The following SLC67A2 variants were observed in gnomAD, a reference collection of about 807,000 sequenced individuals.
SLC67A2 encodes solute carrier family 67 member A2.
the SLC67A2 span, chr2:102,718,307 C>T: frequency 1.1e-5 from 14 of 1,327,884 alleles, no homozygotes; most frequent in East Asian, 3.2e-4. Context: ...CTCACACCCA[C>T]CCGGAAATAT....
At chr2:102,724,719 C>T in the SLC67A2 span, among the ~76,000 whole-genome samples, 1 of 152,198 alleles carries the variant, frequency 6.6e-6, no homozygotes, top group African/African-American at 2.4e-5. Context: ...TGTGACACAG[C>T]GTTTCTCTGT....
At chr2:102,720,670 A>G in the SLC67A2 span, among the ~76,000 whole-genome samples, 1 of 152,222 alleles carries the variant, frequency 6.6e-6, no homozygotes, top group Non-Finnish European at 1.5e-5. Flanking sequence ...AAAAAATGGA[A>G]GACAATTTGC....
At chr2:102,725,484 T>G in the SLC67A2 span, among the ~76,000 whole-genome samples, 1 of 152,212 alleles carries the variant, frequency 6.6e-6, no homozygotes. Context: ...CCCATCTGCT[T>G]CTTTAGAATT....
At chr2:102,722,740 C>T in the SLC67A2 span, among the ~76,000 whole-genome samples, 1 of 151,982 alleles carries the variant, frequency 6.6e-6, no homozygotes, top group African/African-American at 2.4e-5. Flanking sequence ...GGTATAACAA[C>T]AAAACCAATC....
chr2:102,736,616 C>T, the SLC67A2 span: 8 of 1,613,808 alleles, frequency 5.0e-6, no homozygotes, highest in Non-Finnish European at 6.8e-6. Flanking sequence ...ACAGTCAGCA[C>T]TTGCTCCCAG....
the SLC67A2 span, among the ~76,000 whole-genome samples, chr2:102,728,357 C>T: frequency 6.6e-6 from 1 of 152,118 alleles, no homozygotes; most frequent in Non-Finnish European, 1.5e-5. Context: ...CATTCCTCAC[C>T]CTCTCCACTA....
the SLC67A2 span, chr2:102,718,822 TG>T: frequency 6.2e-7 from 1 of 1,613,902 alleles, no homozygotes; most frequent in Non-Finnish European, 8.5e-7. Flanking sequence ...GCCGTAGGAT[TG>T]GCCCCAGGGC....
chr2:102,725,137 G>A, the SLC67A2 span, among the ~76,000 whole-genome samples: 3 of 152,194 alleles, frequency 2.0e-5, no homozygotes, highest in African/African-American at 4.8e-5. Flanking sequence ...AAAATGAGGC[G>A]TCCAACTCAG....
chr2:102,718,667 G>T, the SLC67A2 span: 1 of 1,613,966 alleles, frequency 6.2e-7, no homozygotes, highest in South Asian at 1.1e-5. Flanking sequence ...CGTGATGCAC[G>T]TCCTGCCAAT....
At chr2:102,715,649 G>A in the SLC67A2 span, among the ~76,000 whole-genome samples, 1 of 151,944 alleles carries the variant, frequency 6.6e-6, no homozygotes, top group Non-Finnish European at 1.5e-5. Flanking sequence ...TGTTGGAAAG[G>A]GTGACACTTC....
chr2:102,732,519 G>T, the SLC67A2 span: 1 of 864,680 alleles, frequency 1.2e-6, no homozygotes, highest in South Asian at 2.0e-5. Flanking sequence ...TTTTAAACAC[G>T]TAAGAAATCA....
At chr2:102,718,561 G>T in the SLC67A2 span, 1 of 1,613,278 alleles carries the variant, frequency 6.2e-7, no homozygotes, top group Non-Finnish European at 8.5e-7. Flanking sequence ...CCCCCGAGAG[G>T]AGAGGGGCGA....
At chr2:102,732,209 T>C in the SLC67A2 span, 1 of 954,238 alleles carries the variant, frequency 1.0e-6, no homozygotes, top group Non-Finnish European at 1.7e-6. Context: ...TTTTATCTCA[T>C]TTCCCACTTA....
At chr2:102,715,058 T>C in the SLC67A2 span, among the ~76,000 whole-genome samples, 1 of 152,166 alleles carries the variant, frequency 6.6e-6, no homozygotes, top group Non-Finnish European at 1.5e-5. Context: ...GCGATTGCCC[T>C]GTGGGCCACA....
the SLC67A2 span, chr2:102,736,573 C>A: frequency 6.2e-7 from 1 of 1,612,570 alleles, no homozygotes; most frequent in Non-Finnish European, 8.5e-7. Context: ...TCCCCGGAAG[C>A]TCCAAGAACC....
the SLC67A2 span, among the ~76,000 whole-genome samples, chr2:102,730,511 A>G: frequency 1.3e-5 from 2 of 152,208 alleles, no homozygotes; most frequent in East Asian, 1.9e-4. Flanking sequence ...ATTACTGTCA[A>G]TGAAGTGTAA....
chr2:102,734,516 T>C, the SLC67A2 span, among the ~76,000 whole-genome samples: 1 of 151,780 alleles, frequency 6.6e-6, no homozygotes, highest in African/African-American at 2.4e-5. Context: ...CCAAGAATCT[T>C]AGAGGTCTCT....
the SLC67A2 span, among the ~76,000 whole-genome samples, chr2:102,728,547 G>C: frequency 6.6e-6 from 1 of 151,992 alleles, no homozygotes; most frequent in Non-Finnish European, 1.5e-5. Flanking sequence ...CCAAAATACT[G>C]TCATCCTTCT....
chr2:102,715,562 G>A, the SLC67A2 span, among the ~76,000 whole-genome samples: 9 of 152,094 alleles, frequency 5.9e-5, no homozygotes, highest in East Asian at 1.9e-4. Flanking sequence ...CTCTAGACAT[G>A]AGGGCAGAGG....
Sources: gnomAD v4.1 joint callset for allele counts (sites outside exome capture counted in the v4.1 genomes callset) on GRCh38, gnomAD v4.1.1 for gene constraint, MANE v1.5 for transcripts, NCBI Gene and HGNC (gene_info 2026-07-23, HGNC 2026-07-21) for gene names.